RAB13: variants seen among roughly 807,000 people sequenced by gnomAD.
The protein encoded by RAB13 is ras-related protein Rab-13.
In RAB13, 15 loss-of-function variants were observed where a neutral mutation model predicts 29.3. The observed-to-expected ratio is 0.51, with a 90% CI of 0.34 to 0.79. The LOEUF (loss-of-function observed/expected upper bound fraction) is 0.79, where lower values mean the gene tolerates loss of function less well. Ranked by LOEUF, RAB13 falls within the 30% of genes least tolerant of loss-of-function variation. The pLI is 0.01. For synonymous variants in RAB13, 82 were observed against 93.8 expected (o/e 0.87, Z 0.73); for missense variants, 186 against 255.5 (o/e 0.73, Z 1.85).
chr1:153,985,262 G>A, intron 1 of RAB13: 1 of 986,520 alleles, frequency 1.0e-6, no homozygotes, highest in Non-Finnish European at 1.2e-6. Flanking sequence ...CACTAGGAAA[G>A]TCTGAGGCTA....
At chr1:153,985,050 G>A (rs1649116321) in intron 1 of RAB13, 23 of 1,189,594 alleles carry the variant, frequency 1.9e-5, no homozygotes, top group Non-Finnish European at 2.4e-5. Context: ...TCCTTAGGCT[G>A]CCTCTTGGGT....
At chr1:153,984,177 C>CAAAAA in intron 2 of RAB13, among the ~76,000 whole-genome samples, 1 of 74,496 alleles carries the variant, frequency 1.3e-5, no homozygotes, top group Admixed American at 1.4e-4. Context: ...AACTCTGTCT[C>CAAAAA]AAAAAAAAAA....
intron 1 of RAB13, among the ~76,000 whole-genome samples, chr1:153,985,816 A>G (rs1327387291): frequency 1.3e-5 from 2 of 152,120 alleles, no homozygotes; most frequent in African/African-American, 2.4e-5. Context: ...GTAGGGGAAG[A>G]GGGGAACAGA....
In RAB13 at chr1:153,982,690, T is replaced by C. The variant is rs767421720; in HGVS notation, c.414+29A>G. ...CCTATCTTGGCCCTCCCAGCCCAGT[T>C]CTAGAACATTGCTCAGCCTGGCCCT... is the stretch of plus-strand genomic sequence containing the variant. On this transcript the variant is annotated intron_variant, in intron 5 of 7. Transcript: ENST00000368575. 9.9e-6 allele frequency: 16 copies of C among 1,613,538 alleles called. No homozygotes were observed. In the South Asian group the frequency reaches 1.8e-4, roughly 18 times the overall value.
rs1442308485 is a variant in RAB13 at position 153,984,785 on chromosome 1, G to T, written c.125-4C>A. 8 of 1,611,892 alleles carry T rather than the reference G, an allele frequency of 5.0e-6. No homozygotes were observed. Among genetic ancestry groups the T allele is most frequent in the Non-Finnish European group, 6.8e-6 (8 of 1,178,926 alleles). On this transcript the variant is annotated splice_polypyrimidine_tract_variant and splice_region_variant and intron_variant, in intron 1 of 7. Transcript: ENST00000368575. ...GTGCGGATCTTGAAATCAATTCCTA[G>T]GGGTGGAAGGTATGCACTGAAGTTG...
Position 153,982,704 on chromosome 1 carries a change from C to G in RAB13, c.414+15G>C. The G allele has an allele frequency of 6.2e-7, 1 of 1,614,104 alleles. No homozygotes were observed. The highest frequency in any genetic ancestry group is 8.5e-7 in the Non-Finnish European group (1 of 1,179,934). ...CCCAGCCCAGTTCTAGAACATTGCT[C>G]AGCCTGGCCCTCACCTTATCGGCCT... On this transcript the variant is annotated intron_variant, in intron 5 of 7. Coordinates refer to ENST00000368575, the MANE Select transcript of RAB13 (RefSeq NM_002870.5).
At chr1:153,985,931 G>T in intron 1 of RAB13, 182 bp downstream of exon 1, 1 of 1,049,250 alleles carries the variant, frequency 9.5e-7, no homozygotes. Context: ...GCCTCAGAGA[G>T]GTGAGAGGTT....
chr1:153,982,356 C>G (rs1387631498), intron 7 of RAB13, 35 bp downstream of exon 7: 2 of 1,574,008 alleles, frequency 1.3e-6, no homozygotes, highest in Non-Finnish European at 1.7e-6. Context: ...CACACACACC[C>G]CAGAGTTGTA....
intron 3 of RAB13, 58 bp downstream of exon 3, chr1:153,983,463 T>C: frequency 6.5e-7 from 1 of 1,544,890 alleles, no homozygotes; most frequent in Non-Finnish European, 8.9e-7. Context: ...ACCCTTTGTA[T>C]TCATAATATA....
upstream of RAB13, among the ~76,000 whole-genome samples, chr1:153,987,528 A>AAAAAAAAAAAAAAAAAAAAAAG (rs570485139): frequency 7.8e-6 from 1 of 127,488 alleles, no homozygotes; most frequent in Non-Finnish European, 1.6e-5. Flanking sequence ...AAAAAAAAAA[A>AAAAAAAAAAAAAAAAAAAAAAG]AAAGAAAGAA....
intron 4 of RAB13, 88 bp from the exon 5 acceptor site, chr1:153,982,896 G>T: frequency 7.7e-7 from 1 of 1,299,146 alleles, no homozygotes; most frequent in Non-Finnish European, 1.1e-6. Context: ...GGAGGCCAAG[G>T]CGGGTGGATC....
At chr1:153,982,258 C>T in intron 7 of RAB13, 82 bp from the exon 8 acceptor site, 3 of 1,513,906 alleles carry the variant, frequency 2.0e-6, no homozygotes, top group Non-Finnish European at 1.8e-6. Context: ...GTAAATCCAC[C>T]CTCATGAGAA....
At chr1:153,989,044 C>G (rs1194597654), upstream of RAB13, among the ~76,000 whole-genome samples, 2 of 148,148 alleles carry the variant, frequency 1.3e-5, no homozygotes, top group South Asian at 2.1e-4. Context: ...CTCAGCTTCC[C>G]GAGTAGCTGG....
At position 153,983,224 on chromosome 1, in the gene RAB13, T is replaced by C; in HGVS notation, c.319A>G (p.Lys107Glu). ...CTCTTTTGGAGGGTCCTCACCTCCT[T>C]GATGCTTTTCATCCAGTTCTGAATA... ...ENIQNWMKSI[K>E]ENASAGVERL... Residue 107 changes from lysine to glutamate, a missense_variant, in exon 4 of 8, where the codon AAG becomes GAG. By Grantham distance (56) the Lys-to-Glu change is moderately conservative. Transcript: ENST00000368575. 5 of 1,612,964 alleles carry C rather than the reference T, an allele frequency of 3.1e-6. No individual in the cohort carries two copies. Among genetic ancestry groups the C allele is most frequent in the Non-Finnish European group, 4.2e-6 (5 of 1,178,894 alleles).
At chr1:153,989,943 C>G (rs1649304095), upstream of RAB13, among the ~76,000 whole-genome samples, 1 of 152,090 alleles carries the variant, frequency 6.6e-6, no homozygotes, top group Non-Finnish European at 1.5e-5. Flanking sequence ...TTTCACTTAT[C>G]CCCATCACCT....
chr1:153,989,209 G>A (rs1231153645), upstream of RAB13, among the ~76,000 whole-genome samples: 1 of 146,226 alleles, frequency 6.8e-6, no homozygotes, highest in Non-Finnish European at 1.5e-5. Flanking sequence ...TGGGATTACA[G>A]GCCTGAGCCA....
At chr1:153,984,151 T>G (rs1649085830) in intron 2 of RAB13, among the ~76,000 whole-genome samples, 1 of 130,268 alleles carries the variant, frequency 7.7e-6, no homozygotes, top group Non-Finnish European at 1.6e-5. Flanking sequence ...CACTCCAGCC[T>G]GGGTGACAAG....
rs754046939 is a variant in RAB13, at chr1:153,982,439, A to ATTC, written c.485_486insGAA (p.Phe162delinsLeuAsn). ...GCAAGATGTCCCGGGCCAGGGAACT[A>ATTC]AAAGCCTAAAGTGGGGAACAGAGTC... On this transcript the variant is annotated protein_altering_variant, in exon 7 of 8. Coordinates refer to ENST00000368575, the MANE Select transcript of RAB13 (RefSeq NM_002870.5). The ATTC allele has an allele frequency of 1.2e-6, 2 of 1,613,876 alleles. No homozygotes were observed. The highest frequency in any genetic ancestry group is 3.3e-5 in the Admixed American group (2 of 60,014).
At chr1:153,983,499 TG>T in intron 3 of RAB13, 21 bp downstream of exon 3, 1 of 1,584,732 alleles carries the variant, frequency 6.3e-7, no homozygotes, top group Non-Finnish European at 8.7e-7. Flanking sequence ...CTTCATCCTT[TG>T]TTCAGACCCA....
Sources: gnomAD v4.1 joint callset for allele counts (sites outside exome capture counted in the v4.1 genomes callset) on GRCh38, gnomAD v4.1.1 for gene constraint, MANE v1.5 for transcripts, NCBI Gene and HGNC (gene_info 2026-07-23, HGNC 2026-07-21) for gene names.